SPATA9: variants seen among roughly 807,000 people sequenced by gnomAD.
The protein encoded by SPATA9 is spermatogenesis associated 9.
A neutral mutation model predicts 25.5 loss-of-function variants in SPATA9; 27 were observed. The ratio of observed to expected loss-of-function variants is 1.06; its 90% CI spans 0.78 to 1.46. The LOEUF (loss-of-function observed/expected upper bound fraction) is 1.46, where lower values mean the gene tolerates loss of function less well. Among genes scored for constraint, SPATA9 ranks in the 40% most tolerant of loss-of-function variants. The pLI is 0.00. For missense variants in SPATA9, 282 were observed against 297.5 expected (o/e 0.95, Z 0.38); for synonymous variants, 102 against 105.7 (o/e 0.97, Z 0.21).
intron 4 of SPATA9, among the ~76,000 whole-genome samples, chr5:95,663,578 C>G (rs889429937): frequency 1.3e-5 from 2 of 151,526 alleles, no homozygotes; most frequent in African/African-American, 4.9e-5. Flanking sequence ...ACTTGTAATC[C>G]AAAATACACT....
chr5:95,675,376 A>C lies in SPATA9; in HGVS notation c.378+36T>G, dbSNP rs11955539. On this transcript the variant is annotated intron_variant, in intron 3 of 4. Coordinates refer to ENST00000274432, the MANE Select transcript of SPATA9 (RefSeq NM_031952.4). ...GTTTTGCAAATTTAAAAGTTTCTTA[A>C]AAAAGGGGAATTGTGCATATGCAGT... 2.9e-3 allele frequency: 4,402 copies of C among 1,540,758 alleles called. 117 individuals are homozygous for C. In the African/African-American group the frequency reaches 0.055, roughly 19 times the overall value.
At chr5:95,661,811 C>G (rs1751289575) in intron 4 of SPATA9, among the ~76,000 whole-genome samples, 1 of 152,000 alleles carries the variant, frequency 6.6e-6, no homozygotes, top group Admixed American at 6.6e-5. Flanking sequence ...TTAGAACTAT[C>G]TAGTCAACTT....
the SPATA9 span, among the ~76,000 whole-genome samples, chr5:95,706,575 A>G: frequency 2.0e-5 from 3 of 152,148 alleles, no homozygotes; most frequent in Non-Finnish European, 4.4e-5. Flanking sequence ...ATGTCTTTAT[A>G]GTGTGTGAGA....
chr5:95,658,596 T>C lies in SPATA9; in HGVS notation c.*27A>G, dbSNP rs761842045. The C allele has an allele frequency of 1.4e-5, 22 of 1,590,170 alleles. No homozygotes were observed. Among genetic ancestry groups the C allele is most frequent in the Non-Finnish European group, 1.9e-5 (22 of 1,169,066 alleles). On this transcript the variant is annotated 3_prime_UTR_variant, in exon 5 of 5. Transcript: ENST00000274432. ...AAATGTGCCATTAAATAGATAACTCTTAAGTTCTGTTCAGTGATACCTGTA... is the reference window on the plus strand; with the variant it reads ...AAATGTGCCATTAAATAGATAACTCCTAAGTTCTGTTCAGTGATACCTGTA...
At chr5:95,678,493 A>G (rs1158051326) in intron 2 of SPATA9, among the ~76,000 whole-genome samples, 2 of 152,218 alleles carry the variant, frequency 1.3e-5, no homozygotes, top group Admixed American at 1.3e-4. Flanking sequence ...TATTCTAGGT[A>G]TATTCCTCTA....
the SPATA9 span, among the ~76,000 whole-genome samples, chr5:95,727,633 C>T: frequency 6.6e-6 from 1 of 152,114 alleles, no homozygotes; most frequent in African/African-American, 2.4e-5. Flanking sequence ...TCTGTTAACA[C>T]TGGTAAAATA....
upstream of SPATA9, among the ~76,000 whole-genome samples, chr5:95,683,564 GTCTTGC>G (rs1046593746): frequency 1.3e-5 from 2 of 152,082 alleles, no homozygotes; most frequent in Non-Finnish European, 2.9e-5. Flanking sequence ...TTGAGATGGA[GTCTTGC>G]CCTGTTGCCC....
chr5:95,700,403 G>A (rs1387156620), upstream of SPATA9, among the ~76,000 whole-genome samples: 1 of 151,998 alleles, frequency 6.6e-6, no homozygotes, highest in Admixed American at 6.6e-5. Context: ...AGGTTCAAGC[G>A]ATTCTCCTGC....
intron 1 of SPATA9, among the ~76,000 whole-genome samples, chr5:95,691,470 T>C (rs1433565080): frequency 6.6e-6 from 1 of 152,222 alleles, no homozygotes. Flanking sequence ...TCTCCTTCTA[T>C]GTCATTAAAA....
At chr5:95,659,795 C>T (rs1427851155) in intron 4 of SPATA9, among the ~76,000 whole-genome samples, 1 of 152,140 alleles carries the variant, frequency 6.6e-6, no homozygotes, top group Non-Finnish European at 1.5e-5. Context: ...GAACACAAGA[C>T]ACTTTCCCTC....
chr5:95,731,436 G>A, the SPATA9 span: 1 of 1,201,180 alleles, frequency 8.3e-7, no homozygotes, highest in Non-Finnish European at 1.0e-6. Context: ...GCCCGGCGAT[G>A]TTCCCGGGCA....
the SPATA9 span, among the ~76,000 whole-genome samples, chr5:95,715,191 G>A: frequency 6.6e-6 from 1 of 152,032 alleles, no homozygotes; most frequent in Non-Finnish European, 1.5e-5. Flanking sequence ...GGGCGTGGTG[G>A]TGCATGCCTG....
chr5:95,718,799 T>A, the SPATA9 span, among the ~76,000 whole-genome samples: 1 of 151,976 alleles, frequency 6.6e-6, no homozygotes, highest in Non-Finnish European at 1.5e-5. Context: ...CTCAGTTGGA[T>A]AGGGAAGAAA....
chr5:95,672,358 GA>G (rs929708347), intron 3 of SPATA9, among the ~76,000 whole-genome samples: 2 of 151,516 alleles, frequency 1.3e-5, no homozygotes, highest in Non-Finnish European at 2.9e-5. Flanking sequence ...ATCCTAAGCT[GA>G]AAAAAACATA....
At chr5:95,732,010 C>T in the SPATA9 span, 1 of 1,614,176 alleles carries the variant, frequency 6.2e-7, no homozygotes, top group Non-Finnish European at 8.5e-7. Flanking sequence ...CACGGTCGCG[C>T]GTCCGGTGTT....
the SPATA9 span, among the ~76,000 whole-genome samples, chr5:95,709,025 G>A: frequency 6.6e-6 from 1 of 152,146 alleles, no homozygotes; most frequent in Admixed American, 6.6e-5. Flanking sequence ...TTTTGATGTG[G>A]GAGTGATGAA....
chr5:95,667,963 A>G (rs1751980406), intron 3 of SPATA9, among the ~76,000 whole-genome samples: 1 of 152,008 alleles, frequency 6.6e-6, no homozygotes, highest in African/African-American at 2.4e-5. Flanking sequence ...CAGCCATGTG[A>G]AGTGCTGGTT....
At chr5:95,703,726 C>A in the SPATA9 span, among the ~76,000 whole-genome samples, 2 of 151,892 alleles carry the variant, frequency 1.3e-5, no homozygotes, top group East Asian at 3.9e-4. Context: ...ATGTACATAT[C>A]AAGTGATTAT....
chr5:95,706,041 A>G, the SPATA9 span, among the ~76,000 whole-genome samples: 2 of 152,240 alleles, frequency 1.3e-5, no homozygotes, highest in African/African-American at 2.4e-5. Context: ...CCTAAAACAC[A>G]TCCATGGACC....
Sources: gnomAD v4.1 joint callset for allele counts (sites outside exome capture counted in the v4.1 genomes callset) on GRCh38, gnomAD v4.1.1 for gene constraint, MANE v1.5 for transcripts, NCBI Gene and HGNC (gene_info 2026-07-23, HGNC 2026-07-21) for gene names.